Variants in CYP2C19 observed in about 807,000 individuals in gnomAD.
The protein encoded by CYP2C19 is cytochrome P450 2C19.
CYP2C19 carries 59 observed loss-of-function variants against 40.9 expected under a neutral mutation model. That is an observed-to-expected ratio of 1.44 (90% confidence interval 1.17 to 1.79). The LOEUF (loss-of-function observed/expected upper bound fraction) is 1.79. CYP2C19 is among the 40% of genes most tolerant of loss of function. The pLI is 0.00. For missense variants in CYP2C19, 754 were observed against 596.9 expected (o/e 1.26, Z -2.74); for synonymous variants, 253 against 208.7 (o/e 1.21, Z -1.83).
chr10:94,808,506 GCTATCAAATA>G (rs1410027066), intron 5 of CYP2C19, among the ~76,000 whole-genome samples: 1 of 152,020 alleles, frequency 6.6e-6, no homozygotes, highest in Non-Finnish European at 1.5e-5. Flanking sequence ...ACCCTATTGT[GCTATCAAATA>G]CTAGGACTTA....
At chr10:94,818,937 T>G (rs1471511802) in intron 5 of CYP2C19, among the ~76,000 whole-genome samples, 26 of 151,898 alleles carry the variant, frequency 1.7e-4, no homozygotes, top group Non-Finnish European at 3.7e-4. Flanking sequence ...AGAATATACA[T>G]TTTTTTCAGC....
At chr10:94,851,801 T>C (rs1175581369) in intron 8 of CYP2C19, among the ~76,000 whole-genome samples, 1 of 152,154 alleles carries the variant, frequency 6.6e-6, no homozygotes, top group Non-Finnish European at 1.5e-5. Flanking sequence ...ATTCACTGCC[T>C]ACAAGGCCTC....
intron 8 of CYP2C19, 90 bp downstream of exon 8, chr10:94,850,148 A>G (rs1245586472): frequency 7.0e-7 from 1 of 1,435,460 alleles, no homozygotes; most frequent in East Asian, 2.3e-5. Flanking sequence ...CTGCAGTGGT[A>G]CAGTTACTCT....
At chr10:94,804,397 C>T (rs953709041) in intron 5 of CYP2C19, among the ~76,000 whole-genome samples, 1 of 152,188 alleles carries the variant, frequency 6.6e-6, no homozygotes, top group South Asian at 2.1e-4. Flanking sequence ...CGATTTCTGG[C>T]CTGAGACTAA....
At chr10:94,823,575 C>T (rs1408530163) in intron 6 of CYP2C19, among the ~76,000 whole-genome samples, 1 of 152,104 alleles carries the variant, frequency 6.6e-6, no homozygotes, top group East Asian at 1.9e-4. Context: ...GAAATGAAAA[C>T]ATACTCTGCT....
At chr10:94,796,563 T>A (rs956320679) in intron 5 of CYP2C19, among the ~76,000 whole-genome samples, 1 of 152,146 alleles carries the variant, frequency 6.6e-6, no homozygotes, top group African/African-American at 2.4e-5. Flanking sequence ...GGGATGGCAT[T>A]GAATCTATAA....
At chr10:94,843,271 A>G (rs1227955136) in intron 7 of CYP2C19, among the ~76,000 whole-genome samples, 1 of 152,188 alleles carries the variant, frequency 6.6e-6, no homozygotes, top group Admixed American at 6.5e-5. Flanking sequence ...TTAAGTGGTT[A>G]TATTTCCAGA....
chr10:94,804,982 G>A lies in CYP2C19; in HGVS notation c.820-15514G>A, dbSNP rs148309171. Among the ~76,000 whole-genome samples, 565 of 151,388 alleles carry A rather than the reference G, an allele frequency of 3.7e-3. 5 individuals are homozygous for A. The highest frequency in any genetic ancestry group is 5.9e-3 in the Non-Finnish European group (402 of 67,866). ...ATTGTATGAGATTTTTCTATATATA[G>A]AAACATGTTATCTTGAACTACACAT... On this transcript the variant is annotated intron_variant, in intron 5 of 8. Transcript: ENST00000371321.
intron 5 of CYP2C19, among the ~76,000 whole-genome samples, chr10:94,789,057 A>G (rs1355760298): frequency 6.6e-6 from 1 of 152,130 alleles, no homozygotes; most frequent in Non-Finnish European, 1.5e-5. Context: ...ATGTGATGGT[A>G]TCTCATTGTG....
intron 5 of CYP2C19, among the ~76,000 whole-genome samples, chr10:94,804,534 T>C (rs545266272): frequency 2.6e-5 from 4 of 152,360 alleles, no homozygotes; most frequent in Middle Eastern, 3.4e-3. Flanking sequence ...CCTGGTGTCT[T>C]TCCCTCTCAG....
chr10:94,770,503 T>C (rs75539551), intron 1 of CYP2C19, among the ~76,000 whole-genome samples: 10,612 of 152,150 alleles, frequency 0.07, 426 homozygotes, highest in South Asian at 0.12. Flanking sequence ...CCTGTTCCTC[T>C]TGGTACCTAT....
intron 5 of CYP2C19, among the ~76,000 whole-genome samples, chr10:94,791,754 T>G (rs942652128): frequency 6.6e-6 from 1 of 152,174 alleles, no homozygotes; most frequent in Admixed American, 6.5e-5. Context: ...TTTCTATTCT[T>G]TTACATTTGC....
At chr10:94,769,686 T>C (rs544948521) in intron 1 of CYP2C19, among the ~76,000 whole-genome samples, 1 of 152,262 alleles carries the variant, frequency 6.6e-6, no homozygotes, top group South Asian at 2.1e-4. Context: ...AACAATATCC[T>C]GTAATCCTTC....
At chr10:94,771,483 G>A (rs1441277789) in intron 1 of CYP2C19, among the ~76,000 whole-genome samples, 2 of 152,150 alleles carry the variant, frequency 1.3e-5, no homozygotes, top group African/African-American at 4.8e-5. Context: ...GGATAGCATT[G>A]TAATTTATAC....
intron 3 of CYP2C19, among the ~76,000 whole-genome samples, 178 bp from the exon 4 acceptor site, chr10:94,780,321 G>T (rs1448950427): frequency 6.6e-6 from 1 of 152,106 alleles, no homozygotes; most frequent in African/African-American, 2.4e-5. Context: ...TTGTTAATTC[G>T]AGATTAATGT....
intron 1 of CYP2C19, among the ~76,000 whole-genome samples, chr10:94,771,103 A>C (rs368704026): frequency 1.2e-3 from 176 of 152,220 alleles, no homozygotes; most frequent in African/African-American, 4.1e-3. Flanking sequence ...ATCATCTGGA[A>C]ACTTCCCCAG....
chr10:94,798,742 A>G (rs1848722925), intron 5 of CYP2C19, among the ~76,000 whole-genome samples: 1 of 150,804 alleles, frequency 6.6e-6, no homozygotes, highest in African/African-American at 2.4e-5. Flanking sequence ...ACCATTATGT[A>G]ATGGCCTTTG....
At chr10:94,830,861 G>A (rs1849323480) in intron 6 of CYP2C19, among the ~76,000 whole-genome samples, 1 of 152,242 alleles carries the variant, frequency 6.6e-6, no homozygotes, top group South Asian at 2.1e-4. Context: ...AGCATGTCAT[G>A]GAGAATGGGG....
At chr10:94,784,073 C>T (rs369839143) in intron 5 of CYP2C19, among the ~76,000 whole-genome samples, 7 of 152,270 alleles carry the variant, frequency 4.6e-5, no homozygotes, top group African/African-American at 1.7e-4. Context: ...CATTCCCCCA[C>T]TCCATCATGT....
Sources: gnomAD v4.1 joint callset for allele counts (sites outside exome capture counted in the v4.1 genomes callset) on GRCh38, gnomAD v4.1.1 for gene constraint, MANE v1.5 for transcripts, NCBI Gene and HGNC (gene_info 2026-07-23, HGNC 2026-07-21) for gene names.